Variants in UGT1A10 observed in about 807,000 individuals in gnomAD.
The protein encoded by UGT1A10 is UDP glucuronosyltransferase family 1 member A10.
A neutral mutation model predicts 45.8 loss-of-function variants in UGT1A10; 49 were observed. That is an observed-to-expected ratio of 1.07 (90% confidence interval 0.85 to 1.36). The LOEUF (loss-of-function observed/expected upper bound fraction) is 1.36. Among genes scored for constraint, UGT1A10 ranks in the 40% most tolerant of loss-of-function variants. The pLI is 0.00. For synonymous variants in UGT1A10, 284 were observed against 249.7 expected, an observed-to-expected ratio of 1.14 and a Z score of -1.29; for missense variants, 745 against 668.6, an observed-to-expected ratio of 1.11 and a Z score of -1.26.
At chr2:233,683,760 A>G (rs2074649799) in intron 1 of UGT1A10, among the ~76,000 whole-genome samples, 1 of 152,144 alleles carries the variant, frequency 6.6e-6, no homozygotes, top group Admixed American at 6.5e-5. Flanking sequence ...ACTATGCATA[A>G]TTAATGTACT....
intron 1 of UGT1A10, among the ~76,000 whole-genome samples, chr2:233,683,455 T>C (rs1380614720): frequency 6.6e-6 from 1 of 152,140 alleles, no homozygotes; most frequent in African/African-American, 2.4e-5. Flanking sequence ...GTATACTTTC[T>C]TTACATTATA....
intron 1 of UGT1A10, among the ~76,000 whole-genome samples, chr2:233,726,748 C>G (rs1270676383): frequency 6.6e-6 from 1 of 152,206 alleles, no homozygotes; most frequent in Non-Finnish European, 1.5e-5. Context: ...GGCTGTGATT[C>G]TGCCTACCAC....
intron 1 of UGT1A10, among the ~76,000 whole-genome samples, chr2:233,688,920 G>A (rs4485562): frequency 0.18 from 27,714 of 152,108 alleles, 2,753 homozygotes; most frequent in Non-Finnish European, 0.23. Flanking sequence ...GTGCCAAGCA[G>A]GGAAGATGGC....
intron 1 of UGT1A10, among the ~76,000 whole-genome samples, chr2:233,641,454 G>A (rs1320046787): frequency 6.6e-6 from 1 of 152,034 alleles, no homozygotes; most frequent in East Asian, 1.9e-4. Flanking sequence ...ATATCTTGTT[G>A]TACTGCCTAT....
intron 1 of UGT1A10, chr2:233,682,549 G>C (rs147392032): frequency 6.2e-7 from 1 of 1,613,912 alleles, no homozygotes; most frequent in Non-Finnish European, 8.5e-7. Flanking sequence ...TGACTTTCAA[G>C]GAGAGAGTAT....
At chr2:233,731,491 G>A (rs1443900018) in intron 1 of UGT1A10, among the ~76,000 whole-genome samples, 2 of 152,026 alleles carry the variant, frequency 1.3e-5, no homozygotes, top group Non-Finnish European at 2.9e-5. Flanking sequence ...TGTGTCCAGT[G>A]TTCTTGCTGT....
rs1296906229 is a variant in UGT1A10, at chr2:233,636,770, T to G, written c.248T>G (p.Leu83Arg). Residue 83 changes from leucine (L) to arginine (R), a missense_variant, in exon 1 of 5, where the codon CTG becomes CGG. Physicochemically the swap from Leu to Arg is moderately radical, Grantham distance 102. Coordinates refer to ENST00000344644, the MANE Select transcript of UGT1A10 (RefSeq NM_019075.4). ...TVKTYSTSYT[L>R]EDQNREFMVF... ...AAGACTTACTCAACCTCGTACACTC[T>G]GGAAGATCAGAACCGGGAATTCATG... The G allele has an allele frequency of 1.2e-6, 2 of 1,614,188 alleles. No homozygotes were observed. The highest frequency in any genetic ancestry group is 4.5e-5 in the East Asian group (2 of 44,886).
chr2:233,664,859 G>A (rs1476863856), intron 1 of UGT1A10, among the ~76,000 whole-genome samples: 1 of 152,118 alleles, frequency 6.6e-6, no homozygotes, highest in Admixed American at 6.6e-5. Flanking sequence ...CCAGTTTCAT[G>A]AATCCTTTTG....
At chr2:233,696,255 C>T (rs1042325119) in intron 1 of UGT1A10, among the ~76,000 whole-genome samples, 1 of 152,186 alleles carries the variant, frequency 6.6e-6, no homozygotes, top group Non-Finnish European at 1.5e-5. Flanking sequence ...AAGCACACAT[C>T]AGTGAATGAA....
chr2:233,682,354 G>C lies in UGT1A10; in HGVS notation c.855+44977G>C, dbSNP rs114052958. ...GAAAATTAGTAGAATACTTAAAGGA[G>C]AGTTGTTTTGATGCAGTGTTTCTCG... On this transcript the variant is annotated intron_variant, in intron 1 of 4. Coordinates refer to ENST00000344644, the MANE Select transcript of UGT1A10 (RefSeq NM_019075.4). 2.0e-3 allele frequency: 3,285 copies of C among 1,614,052 alleles called. 33 individuals are homozygous for C. In the African/African-American group the frequency reaches 0.03, roughly 15 times the overall value.
chr2:233,761,294 G>T, intron 1 of UGT1A10: 1 of 1,510,468 alleles, frequency 6.6e-7, no homozygotes, highest in Non-Finnish European at 9.0e-7. Flanking sequence ...TGACTCCTAG[G>T]TTTGAGTCTG....
chr2:233,687,329 T>C (rs191504719), intron 1 of UGT1A10, among the ~76,000 whole-genome samples: 1 of 152,192 alleles, frequency 6.6e-6, no homozygotes, highest in African/African-American at 2.4e-5. Flanking sequence ...CAAGTTTCCC[T>C]TGAATGATTT....
intron 1 of UGT1A10, among the ~76,000 whole-genome samples, chr2:233,752,746 AAAACAAAC>A (rs200752387): frequency 7.9e-5 from 12 of 152,308 alleles, no homozygotes; most frequent in East Asian, 1.9e-4. Context: ...CCCTGTCTCT[AAAACAAAC>A]AAACAAACAA....
At chr2:233,745,373 C>A (rs1317791294) in intron 1 of UGT1A10, among the ~76,000 whole-genome samples, 1 of 151,774 alleles carries the variant, frequency 6.6e-6, no homozygotes, top group East Asian at 1.9e-4. Flanking sequence ...GATCTGAGTT[C>A]TCTTCACCTC....
chr2:233,746,859 GC>G lies in UGT1A10; in HGVS notation c.856-20173del, dbSNP rs776256702. Among the ~76,000 whole-genome samples the G allele has an allele frequency of 2.4e-3, 366 of 151,912 alleles. 1 individual carries two copies. Among genetic ancestry groups the G allele is most frequent in the Non-Finnish European group, 3.4e-3 (229 of 68,008 alleles). ...GGGGACCTCTCAGACCTCAGCTGCA[GC>G]CTGATAAACGTGGTTAACAGAGAAG... On this transcript the variant is annotated intron_variant, in intron 1 of 4. Coordinates refer to ENST00000344644, the MANE Select transcript of UGT1A10 (RefSeq NM_019075.4).
intron 1 of UGT1A10, among the ~76,000 whole-genome samples, chr2:233,748,980 T>C (rs957360151): frequency 2.4e-4 from 36 of 151,710 alleles, no homozygotes; most frequent in African/African-American, 7.6e-4. Context: ...GATCTACTTC[T>C]TTACCAACAA....
At chr2:233,714,277 A>C (rs892739336) in intron 1 of UGT1A10, among the ~76,000 whole-genome samples, 6 of 152,178 alleles carry the variant, frequency 3.9e-5, no homozygotes, top group African/African-American at 1.4e-4. Context: ...TTGACGTGAC[A>C]ATTTTTAGTG....
chr2:233,731,908 A>T (rs2078219373), intron 1 of UGT1A10, among the ~76,000 whole-genome samples: 1 of 152,202 alleles, frequency 6.6e-6, no homozygotes, highest in African/African-American at 2.4e-5. Flanking sequence ...CCAATGGTGT[A>T]AAAGTGTTCC....
At chr2:233,752,269 G>A (rs746568947) in intron 1 of UGT1A10, 1 of 152,190 alleles carries the variant, frequency 6.6e-6, no homozygotes, top group Non-Finnish European at 1.5e-5. Flanking sequence ...AGGACTCCAG[G>A]TCTCTTGGGG....
Sources: gnomAD v4.1 joint callset for allele counts (sites outside exome capture counted in the v4.1 genomes callset) on GRCh38, gnomAD v4.1.1 for gene constraint, MANE v1.5 for transcripts, NCBI Gene and HGNC (gene_info 2026-07-23, HGNC 2026-07-21) for gene names.